Variants in COMMD1 observed in about 807,000 individuals in gnomAD.
COMMD1 encodes the protein COMM domain-containing protein 1.
A neutral mutation model predicts 17.2 loss-of-function variants in COMMD1; 10 were observed. That is an observed-to-expected ratio of 0.58 (90% CI 0.36 to 0.99). The LOEUF is 0.99. COMMD1 is among the 50% of genes least tolerant of loss of function. COMMD1 has a pLI of 0.01. For synonymous variants in COMMD1, 97 were observed against 91.6 expected, an observed-to-expected ratio of 1.06 and a Z score of -0.34; for missense variants, 270 against 231.8, an observed-to-expected ratio of 1.17 and a Z score of -1.07.
At chr2:62,013,863 C>T (rs1308051075) in intron 2 of COMMD1, among the ~76,000 whole-genome samples, 2 of 152,180 alleles carry the variant, frequency 1.3e-5, no homozygotes, top group Non-Finnish European at 2.9e-5. Context: ...ACCCCTTCCA[C>T]TTGGGGAAAA....
chr2:61,932,824 G>A (rs1365202219), intron 1 of COMMD1, among the ~76,000 whole-genome samples: 2 of 152,212 alleles, frequency 1.3e-5, no homozygotes, highest in Non-Finnish European at 2.9e-5. Flanking sequence ...TCTGGCAGGA[G>A]TAGGTTCTGT....
chr2:61,966,365 C>T (rs188751436), intron 1 of COMMD1, among the ~76,000 whole-genome samples: 2 of 152,194 alleles, frequency 1.3e-5, no homozygotes, highest in African/African-American at 2.4e-5. Context: ...TGTCCTTGGC[C>T]AGATTTTACT....
rs111680366 is a variant in COMMD1, at chr2:62,039,243, A to G, written c.462+38261A>G. 2.4e-3 allele frequency among the ~76,000 whole-genome samples: 361 copies of G among 152,282 alleles called. 4 individuals carry two copies. The highest frequency in any genetic ancestry group is 8.5e-3 in the African/African-American group (354 of 41,564). On this transcript the variant is annotated intron_variant, in intron 2 of 2. Transcript: ENST00000311832. ...TTCAAGCAGAGAATATGCACTTCAC[A>G]TTTTTTAAGGAAACCATTCCTAGCT... is the stretch of plus-strand genomic sequence containing the variant.
chr2:61,910,922 A>G (rs966553664), intron 1 of COMMD1, among the ~76,000 whole-genome samples: 5 of 151,648 alleles, frequency 3.3e-5, no homozygotes, highest in African/African-American at 7.3e-5. Flanking sequence ...CGTCTCTACT[A>G]AAAATACAAA....
At chr2:62,082,213 A>C (rs1027417367) in intron 2 of COMMD1, among the ~76,000 whole-genome samples, 10 of 152,214 alleles carry the variant, frequency 6.6e-5, no homozygotes, top group Non-Finnish European at 1.3e-4. Context: ...TGTCTCTGTG[A>C]TGCTGAACAA....
chr2:61,999,373 G>T (rs1173770524), intron 1 of COMMD1, among the ~76,000 whole-genome samples: 1 of 152,200 alleles, frequency 6.6e-6, no homozygotes, highest in Non-Finnish European at 1.5e-5. Flanking sequence ...GTATAAAGTA[G>T]TATATAATTT....
At chr2:61,982,679 T>C (rs1671987450) in intron 1 of COMMD1, among the ~76,000 whole-genome samples, 1 of 152,188 alleles carries the variant, frequency 6.6e-6, no homozygotes, top group African/African-American at 2.4e-5. Flanking sequence ...TGTTTGTGTG[T>C]TTTTTCAGTT....
chr2:62,011,833 A>T (rs1669286553), intron 2 of COMMD1, among the ~76,000 whole-genome samples: 1 of 152,194 alleles, frequency 6.6e-6, no homozygotes, highest in Non-Finnish European at 1.5e-5. Context: ...TTTACATATG[A>T]TTTTTCCAAC....
chr2:61,977,281 G>C (rs1035151971), intron 1 of COMMD1, among the ~76,000 whole-genome samples: 1 of 80,294 alleles, frequency 1.2e-5, no homozygotes, highest in Non-Finnish European at 2.2e-5. Flanking sequence ...TTTCACTCTT[G>C]TTGCCCAGGC....
At chr2:62,040,703 C>T (rs1670165096) in intron 2 of COMMD1, among the ~76,000 whole-genome samples, 2 of 151,884 alleles carry the variant, frequency 1.3e-5, no homozygotes, top group South Asian at 4.1e-4. Flanking sequence ...TTTTTCTTTG[C>T]CCCCTTCCCC....
At chr2:61,893,506 T>C (rs1347095442) in intron 1 of COMMD1, among the ~76,000 whole-genome samples, 1 of 152,096 alleles carries the variant, frequency 6.6e-6, no homozygotes, top group African/African-American at 2.4e-5. Context: ...TAAACTTTCA[T>C]TATTGTAGTA....
intron 1 of COMMD1, among the ~76,000 whole-genome samples, chr2:61,951,738 C>T (rs1018830953): frequency 1.3e-5 from 2 of 152,146 alleles, no homozygotes. Flanking sequence ...TGATAGCGAA[C>T]ATATCTATCA....
At chr2:62,019,060 TTCTC>T (rs1177842369) in intron 2 of COMMD1, among the ~76,000 whole-genome samples, 31 of 113,086 alleles carry the variant, frequency 2.7e-4, no homozygotes, top group African/African-American at 1.2e-3. Flanking sequence ...CTTCCTTTCT[TTCTC>T]TCTCTCTTTC....
At chr2:61,968,917 C>T (rs549840332) in intron 1 of COMMD1, 87 of 261,488 alleles carry the variant, frequency 3.3e-4, no homozygotes, top group South Asian at 2.0e-3. Flanking sequence ...AGTAACGAAA[C>T]CAGTTTCAAG....
intron 1 of COMMD1, among the ~76,000 whole-genome samples, chr2:61,974,493 T>G (rs1194036625): frequency 6.6e-6 from 1 of 151,480 alleles, no homozygotes; most frequent in African/African-American, 2.4e-5. Flanking sequence ...GCAAAGATGG[T>G]GAAACCCCAT....
At chr2:62,017,719 G>C (rs545657816) in intron 2 of COMMD1, among the ~76,000 whole-genome samples, 9 of 151,536 alleles carry the variant, frequency 5.9e-5, no homozygotes, top group Non-Finnish European at 8.8e-5. Flanking sequence ...TGGCTGTGTG[G>C]CTCTGTTCAT....
chr2:61,962,346 G>A (rs750632506), intron 1 of COMMD1, among the ~76,000 whole-genome samples: 47 of 152,116 alleles, frequency 3.1e-4, no homozygotes, highest in Non-Finnish European at 4.6e-4. Context: ...AATTTCTTCC[G>A]TGATAGGAGT....
chr2:62,120,488 T>G (rs906441942), intron 2 of COMMD1, among the ~76,000 whole-genome samples: 5 of 152,212 alleles, frequency 3.3e-5, no homozygotes, highest in African/African-American at 1.2e-4. Flanking sequence ...TGCTAAGAGT[T>G]TTGTCATTTT....
intron 2 of COMMD1, among the ~76,000 whole-genome samples, chr2:62,132,204 C>T (rs746614760): frequency 1.3e-5 from 2 of 152,168 alleles, no homozygotes; most frequent in Non-Finnish European, 2.9e-5. Context: ...CTTTATTTAG[C>T]CTACTCTTTC....
Sources: gnomAD v4.1 joint callset for allele counts (sites outside exome capture counted in the v4.1 genomes callset) on GRCh38, gnomAD v4.1.1 for gene constraint, MANE v1.5 for transcripts, NCBI Gene and HGNC (gene_info 2026-07-23, HGNC 2026-07-21) for gene names.